The following TSNARE1 variants were observed in gnomAD, a reference collection of about 807,000 sequenced individuals.
TSNARE1 encodes t-SNARE domain containing 1.
A neutral mutation model predicts 62.0 loss-of-function variants in TSNARE1; 49 were observed. The ratio of observed to expected loss-of-function variants is 0.79; its 90% CI spans 0.63 to 1.00. The LOEUF (loss-of-function observed/expected upper bound fraction) is 1.00. Ranked by LOEUF, TSNARE1 falls within the 50% of genes least tolerant of loss-of-function variation. The pLI, the probability that TSNARE1 is intolerant of heterozygous loss-of-function variation, is 0.00. For synonymous variants in TSNARE1, 328 were observed against 294.4 expected (o/e 1.11, Z -1.17); for missense variants, 755 against 700.1 (o/e 1.08, Z -0.88).
intron 1 of TSNARE1, among the ~76,000 whole-genome samples, chr8:142,396,750 TC>T (rs1429494231): frequency 6.6e-6 from 1 of 152,124 alleles, no homozygotes; most frequent in African/African-American, 2.4e-5. Context: ...CCCCGTGACT[TC>T]AGGTAAGTTT....
chr8:142,280,221 C>A, intron 11 of TSNARE1: 1 of 985,330 alleles, frequency 1.0e-6, no homozygotes, highest in Non-Finnish European at 1.2e-6. Flanking sequence ...AGTGGGGGCC[C>A]GGCCGCAGGG....
chr8:142,300,402 C>T lies in TSNARE1; in HGVS notation c.1290+84G>A, dbSNP rs1825509468. 3.4e-6 allele frequency: 5 copies of T among 1,479,014 alleles called. No individual in the cohort carries two copies. The Admixed American group carries it at 7.9e-5, about 23-fold the overall frequency. The allele number at this position is 1,479,014 out of a possible 1,614,324, so 91.6% of individuals were successfully genotyped here. ...TCCAGGTCAAGGGCAAGCAATGGTG[C>T]AGCAGGCTGGCACCTGGGCTCCTCT... On this transcript the variant is annotated intron_variant, in intron 10 of 13. Coordinates refer to ENST00000524325, the MANE Select transcript of TSNARE1 (RefSeq NM_145003.5).
At chr8:142,288,366 G>A (rs529537447) in intron 10 of TSNARE1, among the ~76,000 whole-genome samples, 4 of 152,362 alleles carry the variant, frequency 2.6e-5, no homozygotes, top group South Asian at 2.1e-4. Flanking sequence ...GCTGGGACAC[G>A]GTGTTCCCAA....
At chr8:142,274,703 A>G (rs1185354375) in intron 12 of TSNARE1, 78 bp downstream of exon 12, 1 of 1,408,734 alleles carries the variant, frequency 7.1e-7, no homozygotes, top group East Asian at 2.9e-5. Flanking sequence ...GGGCCCCTCC[A>G]GACAGACGGA....
intron 13 of TSNARE1, among the ~76,000 whole-genome samples, chr8:142,225,729 A>G (rs922627412): frequency 2.6e-5 from 4 of 152,240 alleles, no homozygotes; most frequent in Non-Finnish European, 5.9e-5. Flanking sequence ...GATGAGGCCA[A>G]CACAGGTAAC....
rs1828958192 is a variant in TSNARE1 at position 142,318,614 on chromosome 8, G to C, written c.914C>G (p.Thr305Ser). ...GGCGCTGGCTGCAATGGTCTTGTTG[G>C]TCTCCTGCTGTGCCGTGTGCCTGGG... The part of the protein sequence containing the change: ...RDSLHTAQQE[T>S]NKTIAASASS... Residue 305 changes from threonine (T) to serine (S), a missense_variant, in exon 7 of 14, where the codon ACC becomes AGC. Coordinates refer to ENST00000524325, the MANE Select transcript of TSNARE1 (RefSeq NM_145003.5). The C allele has an allele frequency of 6.2e-7, 1 of 1,613,810 alleles. No individual in the cohort carries two copies.
chr8:142,248,830 G>A (rs1215373893), intron 12 of TSNARE1, among the ~76,000 whole-genome samples: 1 of 152,242 alleles, frequency 6.6e-6, no homozygotes, highest in Non-Finnish European at 1.5e-5. Flanking sequence ...GTATCACTCG[G>A]TTGCAGGCTC....
At chr8:142,385,222 C>T (rs1364985908) in intron 1 of TSNARE1, among the ~76,000 whole-genome samples, 2 of 152,140 alleles carry the variant, frequency 1.3e-5, no homozygotes, top group African/African-American at 4.8e-5. Flanking sequence ...TACAGTGACA[C>T]CTCCAAGACC....
At chr8:142,361,470 C>A (rs1290533220) in intron 1 of TSNARE1, among the ~76,000 whole-genome samples, 1 of 152,206 alleles carries the variant, frequency 6.6e-6, no homozygotes, top group Non-Finnish European at 1.5e-5. Context: ...GCGGCGCTGC[C>A]TCCCAGGAGC....
At chr8:142,250,261 G>A (rs1216994757) in intron 12 of TSNARE1, among the ~76,000 whole-genome samples, 1 of 152,154 alleles carries the variant, frequency 6.6e-6, no homozygotes, top group Non-Finnish European at 1.5e-5. Flanking sequence ...AGGGAAAAAT[G>A]CAAATTTGGG....
At chr8:142,329,148 G>C (rs2131969866) in intron 6 of TSNARE1, among the ~76,000 whole-genome samples, 1 of 152,340 alleles carries the variant, frequency 6.6e-6, no homozygotes, top group African/African-American at 2.4e-5. Context: ...CATGATATGG[G>C]AGCATCAGAG....
intron 10 of TSNARE1, among the ~76,000 whole-genome samples, chr8:142,289,583 AGGATGGGGCAGGGTGCACCCT>A (rs1823404209): frequency 6.6e-6 from 1 of 152,098 alleles, no homozygotes; most frequent in African/African-American, 2.4e-5. Flanking sequence ...GTGCTGTCTC[AGGATGGGGCAGGGTGCACCCT>A]GGCCCTGAGG....
chr8:142,275,427 G>T (rs114035654), intron 11 of TSNARE1: 3 of 985,302 alleles, frequency 3.0e-6, no homozygotes, highest in Non-Finnish European at 3.6e-6. Flanking sequence ...AGCCGGGCTC[G>T]GTGGCTGCAG....
chr8:142,277,005 C>G, intron 11 of TSNARE1: 1 of 985,456 alleles, frequency 1.0e-6, no homozygotes, highest in Non-Finnish European at 1.2e-6. Flanking sequence ...CGGTGCTGTG[C>G]GGCCGCGTGT....
At chr8:142,266,860 G>A (rs186492482) in intron 12 of TSNARE1, among the ~76,000 whole-genome samples, 9 of 152,116 alleles carry the variant, frequency 5.9e-5, no homozygotes, top group Non-Finnish European at 2.9e-5. Context: ...TTCATCTGTC[G>A]TAGTTTCTAT....
chr8:142,229,882 G>C (rs1433172976), intron 12 of TSNARE1, among the ~76,000 whole-genome samples: 1 of 152,178 alleles, frequency 6.6e-6, no homozygotes, highest in Non-Finnish European at 1.5e-5. Flanking sequence ...CTTGAGCTGA[G>C]GGATCTCGGC....
intron 12 of TSNARE1, among the ~76,000 whole-genome samples, chr8:142,234,321 T>A (rs1748017094): frequency 6.8e-6 from 1 of 147,024 alleles, no homozygotes; most frequent in Admixed American, 6.7e-5. Flanking sequence ...AGCTCCAAGA[T>A]GGCGCCATGA....
rs538382128 is a variant in TSNARE1 at position 142,338,673 on chromosome 8, T to G, written c.745+5293A>C. ...TGACACTGGCCAGGCAGTTCCCCAG[T>G]TGCCGGAGGGGATGAGCTGAAGGAT... On this transcript the variant is annotated intron_variant, in intron 4 of 13. Transcript: ENST00000524325. Among the ~76,000 whole-genome samples, 162 of 152,364 alleles carry G rather than the reference T, an allele frequency of 1.1e-3. 3 individuals carry two copies. The highest frequency in any genetic ancestry group is 8.4e-3 in the Admixed American group (128 of 15,306).
intron 1 of TSNARE1, among the ~76,000 whole-genome samples, chr8:142,361,949 G>C (rs1017238742): frequency 6.6e-6 from 1 of 152,230 alleles, no homozygotes; most frequent in Non-Finnish European, 1.5e-5. Context: ...CCCTTTGGGG[G>C]AAACCAGTTT....
Sources: allele counts gnomAD v4.1 joint callset (sites outside exome capture counted in the v4.1 genomes callset), GRCh38; gene constraint gnomAD v4.1.1; transcripts MANE v1.5; gene names NCBI Gene and HGNC (gene_info 2026-07-23, HGNC 2026-07-21).